Variants in ZNF705G observed in about 807,000 individuals in gnomAD.
The protein encoded by ZNF705G is zinc finger protein 705G, also known as putative zinc finger protein 705G.
A neutral mutation model predicts 19.6 loss-of-function variants in ZNF705G; 23 were observed. The observed-to-expected ratio is 1.17, with a 90% CI of 0.84 to 1.66. The LOEUF (loss-of-function observed/expected upper bound fraction) is 1.66, where lower values mean the gene tolerates loss of function less well. Ranked by LOEUF, ZNF705G falls within the 40% of genes most tolerant of loss-of-function variation. The pLI is 0.00. For synonymous variants in ZNF705G, 146 were observed against 117.7 expected (o/e 1.24, Z -1.56); for missense variants, 457 against 354.4 (o/e 1.29, Z -2.32).
chr8:7,360,581 C>T (rs1315681969), intron 4 of ZNF705G, among the ~76,000 whole-genome samples: 2 of 149,328 alleles, frequency 1.3e-5, no homozygotes, highest in Non-Finnish European at 2.9e-5. Context: ...TGAGTCCATG[C>T]CTAAGTTCCA....
chr8:7,362,142 A>G (rs1347202362), intron 3 of ZNF705G, among the ~76,000 whole-genome samples: 5 of 149,466 alleles, frequency 3.3e-5, no homozygotes, highest in African/African-American at 1.3e-4. Flanking sequence ...TTTTTTTCTA[A>G]CCAGCCCTTA....
intron 3 of ZNF705G, among the ~76,000 whole-genome samples, chr8:7,362,571 C>T (rs1224805169): frequency 6.7e-6 from 1 of 149,500 alleles, no homozygotes; most frequent in East Asian, 1.9e-4. Context: ...AATTATTTCC[C>T]TATGAGATTA....
rs1430947413 is a variant in ZNF705G, at chr8:7,374,938, G to T, written c.-72+6514C>A. 2.1e-5 allele frequency among the ~76,000 whole-genome samples: 2 copies of T among 94,260 alleles called. 1 individual carries two copies. The highest frequency in any genetic ancestry group is 6.9e-4 in the East Asian group (2 of 2,898). 61.8% of individuals were successfully genotyped at this position (94,260 alleles called of 152,430 possible). ...CAAGAAAGAACAAATGAAAACGAAA[G>T]ATTTTTAAAATCCCTAATGTTACTT... On this transcript the variant is annotated intron_variant, in intron 2 of 6. Coordinates refer to ENST00000400156, the MANE Select transcript of ZNF705G (RefSeq NM_001164457.3).
intron 1 of ZNF705G, among the ~76,000 whole-genome samples, chr8:7,382,318 G>T (rs1334963695): frequency 6.8e-6 from 1 of 147,826 alleles, no homozygotes; most frequent in Non-Finnish European, 1.5e-5. Flanking sequence ...ACAGATCCAA[G>T]TCTCCTCCTA....
intron 2 of ZNF705G, among the ~76,000 whole-genome samples, chr8:7,370,220 G>A (rs1807040050): frequency 2.0e-5 from 3 of 147,316 alleles, no homozygotes; most frequent in Admixed American, 1.3e-4. Flanking sequence ...GCAGCAAGCC[G>A]AGATCACGCC....
intron 1 of ZNF705G, among the ~76,000 whole-genome samples, chr8:7,381,840 C>A (rs1807511032): frequency 6.7e-6 from 1 of 149,670 alleles, no homozygotes; most frequent in African/African-American, 2.5e-5. Flanking sequence ...CACATAATAC[C>A]ATATTCCCAT....
chr8:7,362,099 C>T (rs1327317953), intron 3 of ZNF705G, among the ~76,000 whole-genome samples: 2 of 149,656 alleles, frequency 1.3e-5, no homozygotes, highest in Admixed American at 1.3e-4. Flanking sequence ...TCTCACTACA[C>T]TTGTTCAAAG....
chr8:7,383,996 C>T (rs1242289088), intron 1 of ZNF705G, among the ~76,000 whole-genome samples: 1 of 139,430 alleles, frequency 7.2e-6, no homozygotes, highest in African/African-American at 3.1e-5. Context: ...AGTGGTCACC[C>T]TACATTAATA....
rs555622459 is a variant in ZNF705G, at chr8:7,368,138, G to A, written c.-71-5121C>T. ...ACCGAATCACCACTACATTCCAAGAGACATGCCCTGATTGCACAGACACTG... is the reference window on the plus strand; with the variant it reads ...ACCGAATCACCACTACATTCCAAGAAACATGCCCTGATTGCACAGACACTG... On this transcript the variant is annotated intron_variant, in intron 2 of 6. Transcript: ENST00000400156. Among the ~76,000 whole-genome samples, 31 of 149,454 alleles carry A rather than the reference G, an allele frequency of 2.1e-4. 3 individuals carry two copies. Among genetic ancestry groups the A allele is most frequent in the African/African-American group, 8.0e-4 (31 of 38,922 alleles).
chr8:7,383,233 C>T (rs1807582469), intron 1 of ZNF705G, among the ~76,000 whole-genome samples: 1 of 148,376 alleles, frequency 6.7e-6, no homozygotes, highest in Admixed American at 6.7e-5. Context: ...ACATTAGGGG[C>T]CAAAGAGTTT....
At chr8:7,381,888 A>C (rs1807513101) in intron 1 of ZNF705G, among the ~76,000 whole-genome samples, 1 of 151,702 alleles carries the variant, frequency 6.6e-6, no homozygotes, top group Non-Finnish European at 1.5e-5. Flanking sequence ...TATCTAAAAT[A>C]AGTTGAAATT....
rs184036256 is a variant in ZNF705G, at chr8:7,356,489, T to G, written c.*1487A>C. On this transcript the variant is annotated 3_prime_UTR_variant, in exon 7 of 7. Transcript: ENST00000400156. ...GAGGAAAGGGCTGCGGACACCCAAA[T>G]GCATATACAAGGTGTCTTTGATACA... is the stretch of plus-strand genomic sequence containing the variant. 8.3e-4 allele frequency: 125 copies of G among 149,964 alleles called. 17 individuals carry two copies. Among genetic ancestry groups the G allele is most frequent in the African/African-American group, 3.1e-3 (123 of 39,202 alleles). The allele number at this position is 149,964 out of a possible 1,614,324, so 9.3% of individuals were successfully genotyped here.
At chr8:7,381,703 T>C (rs1453359354) in intron 1 of ZNF705G, 102 bp from the exon 2 acceptor site, 2 of 148,786 alleles carry the variant, frequency 1.3e-5, no homozygotes, top group East Asian at 1.9e-4. Context: ...TGAGCAGACA[T>C]GGACATAAAT....
At chr8:7,367,562 C>T (rs1451024911) in intron 2 of ZNF705G, among the ~76,000 whole-genome samples, 1 of 149,484 alleles carries the variant, frequency 6.7e-6, no homozygotes, top group Middle Eastern at 3.2e-3. Context: ...GTAAGGAAAG[C>T]ACTGTGCATG....
At chr8:7,370,584 G>C (rs1382096667) in intron 2 of ZNF705G, among the ~76,000 whole-genome samples, 2 of 144,566 alleles carry the variant, frequency 1.4e-5, no homozygotes, top group Non-Finnish European at 3.0e-5. Context: ...TGAGGCTGCT[G>C]AGATATAAGA....
chr8:7,358,271 T>C lies in ZNF705G; in HGVS notation c.608A>G (p.His203Arg), dbSNP rs1373941555. The change falls in exon 7 of 7, where the codon CAT becomes CGT. Residue 203 changes from histidine to arginine, a missense_variant. His to Arg is a conservative substitution (Grantham distance 29, BLOSUM62 0). Transcript: ENST00000400156. ...CTGAGTGAAGGCTTTTCTACATAGA[T>C]GACATGCATATGGCCTCTCTCCAGT... ...THTGERPYAC[H>R]LCRKAFTQCS... The C allele has an allele frequency of 3.1e-6, 5 of 1,607,652 alleles. No homozygotes were observed. Among genetic ancestry groups the C allele is most frequent in the African/African-American group, 1.4e-5 (1 of 71,314 alleles).
chr8:7,369,492 T>C (rs1807002675), intron 2 of ZNF705G, among the ~76,000 whole-genome samples: 1 of 149,536 alleles, frequency 6.7e-6, no homozygotes, highest in Admixed American at 6.6e-5. Context: ...ACCCTGAGCC[T>C]GGAAAAGCTG....
chr8:7,357,900 G>C lies in ZNF705G; in HGVS notation c.*76C>G. On this transcript the variant is annotated 3_prime_UTR_variant, in exon 7 of 7. Coordinates refer to ENST00000400156, the MANE Select transcript of ZNF705G (RefSeq NM_001164457.3). Reference sequence around the variant, plus strand: ...GGGTGAATTTTCTGATGCTCTTTAAGATTAGTACATTGTCTGAAGGCTTTC... The same window carrying C: ...GGGTGAATTTTCTGATGCTCTTTAACATTAGTACATTGTCTGAAGGCTTTC... 1 of 1,590,748 alleles carries C rather than the reference G, an allele frequency of 6.3e-7. No individual in the cohort carries two copies. The highest frequency in any genetic ancestry group is 8.5e-7 in the Non-Finnish European group (1 of 1,173,372).
In ZNF705G at chr8:7,358,181, T is replaced by A; in HGVS notation, c.698A>T (p.Tyr233Phe). 6.2e-7 allele frequency: 1 copy of A among 1,607,616 alleles called. No homozygotes were observed. Among genetic ancestry groups the A allele is most frequent in the Non-Finnish European group, 8.5e-7 (1 of 1,179,620 alleles). ...AAAGGATTGAATAAAGACTTTCCCA[T>A]ATTGATGACACTTATATGGTCTCTG... ...TGQRPYKCHQ[Y>F]GKVFIQSFNL... The change falls in exon 7 of 7, where the codon TAT becomes TTT. Residue 233 changes from tyrosine (Y) to phenylalanine (F), a missense_variant. Tyr to Phe is a conservative substitution (Grantham distance 22). Coordinates refer to ENST00000400156, the MANE Select transcript of ZNF705G (RefSeq NM_001164457.3).
Sources: gnomAD v4.1 joint callset for allele counts (sites outside exome capture counted in the v4.1 genomes callset) on GRCh38, gnomAD v4.1.1 for gene constraint, MANE v1.5 for transcripts, NCBI Gene and HGNC (gene_info 2026-07-23, HGNC 2026-07-21) for gene names.